TMEM143: variants seen among roughly 807,000 people sequenced by gnomAD.
TMEM143 encodes transmembrane protein 143.
A neutral mutation model predicts 40.3 loss-of-function variants in TMEM143; 45 were observed. The ratio of observed to expected loss-of-function variants is 1.12; its 90% CI spans 0.88 to 1.43. TMEM143 has a LOEUF of 1.43. Ranked by LOEUF, TMEM143 falls within the 40% of genes most tolerant of loss-of-function variation. The pLI is 0.00. For synonymous variants in TMEM143, 299 were observed against 282.7 expected, an observed-to-expected ratio of 1.06 and a Z score of -0.58; for missense variants, 620 against 613.4, an observed-to-expected ratio of 1.01 and a Z score of -0.11.
At chr19:48,336,201 G>A (rs2147355228) in intron 6 of TMEM143, among the ~76,000 whole-genome samples, 1 of 152,206 alleles carries the variant, frequency 6.6e-6, no homozygotes, top group East Asian at 1.9e-4. Context: ...GGGCAACATG[G>A]TGAAACCCCA....
chr19:48,335,633 G>A (rs1215244854), intron 6 of TMEM143, among the ~76,000 whole-genome samples: 1 of 152,184 alleles, frequency 6.6e-6, no homozygotes, highest in Non-Finnish European at 1.5e-5. Flanking sequence ...TGAGGCAGGA[G>A]AATCGCTTGA....
intron 3 of TMEM143, among the ~76,000 whole-genome samples, chr19:48,355,319 C>G (rs931093663): frequency 7.2e-5 from 11 of 152,268 alleles, no homozygotes; most frequent in Non-Finnish European, 1.5e-4. Context: ...ACAAGACATA[C>G]CAAGCCCAGC....
Position 48,333,932 on chromosome 19 carries a change from T to A in TMEM143, c.1165+76A>T. The A allele has an allele frequency of 7.1e-7, 1 of 1,404,104 alleles. No homozygotes were observed. 87.0% of individuals were successfully genotyped at this position (1,404,104 alleles called of 1,614,324 possible). On this transcript the variant is annotated intron_variant, in intron 7 of 7. Transcript: ENST00000293261. The surrounding 1 kb of genome is among the most constrained non-coding windows in gnomAD (Gnocchi z 4.1). ...CAGGTTCACCCGTGGGAACTGGGGG[T>A]GGGGACGCATCTCGCTGGGGCGGGG...
At chr19:48,344,522 C>T (rs1260337715) in intron 4 of TMEM143, among the ~76,000 whole-genome samples, 2 of 152,080 alleles carry the variant, frequency 1.3e-5, no homozygotes, top group African/African-American at 2.4e-5. Flanking sequence ...CTCCTGGGCT[C>T]GAGCGATCCT....
intron 3 of TMEM143, among the ~76,000 whole-genome samples, chr19:48,356,154 G>A (rs1969886854): frequency 1.4e-5 from 2 of 147,882 alleles, no homozygotes; most frequent in Admixed American, 6.9e-5. Context: ...GTCTCACTCT[G>A]CTGCCCAGGC....
chr19:48,350,693 A>G (rs506867), intron 3 of TMEM143, among the ~76,000 whole-genome samples: 112,966 of 151,740 alleles, frequency 0.74, 42,150 homozygotes, highest in East Asian at 0.83. Flanking sequence ...AGGCTGAGGC[A>G]GGCGGATCAT....
chr19:48,339,858 A>G (rs556626792), intron 6 of TMEM143, among the ~76,000 whole-genome samples: 1 of 152,086 alleles, frequency 6.6e-6, no homozygotes, highest in African/African-American at 2.4e-5. Flanking sequence ...CCTCTCAAGT[A>G]GCTGGGATTT....
intron 2 of TMEM143, 145 bp downstream of exon 2, chr19:48,363,146 G>A (rs1383696079): frequency 1.9e-5 from 22 of 1,170,518 alleles, no homozygotes; most frequent in Non-Finnish European, 2.4e-5. Flanking sequence ...CTCATCTCCC[G>A]CCCACTAGGG....
Position 48,363,437 on chromosome 19 carries a change from G to T in TMEM143, c.118C>A (p.Pro40Thr). ...GCCAGCGATGAGAGGGCCCGGGGGG[G>T]CCCGAGGAGCGCGGGCAACAGTGGC... ...VWPLLPALLG[P>T]PRALSSLAAK... The change falls in exon 2 of 8, where the codon CCC becomes ACC. Residue 40 changes from proline (P) to threonine (T), a missense_variant. By Grantham distance (38) the Pro-to-Thr change is conservative. Transcript: ENST00000293261. 1 of 1,614,002 alleles carries T rather than the reference G, an allele frequency of 6.2e-7. No homozygotes were observed. Among genetic ancestry groups the T allele is most frequent in the Non-Finnish European group, 8.5e-7 (1 of 1,180,004 alleles).
chr19:48,333,984 C>A lies in TMEM143; in HGVS notation c.1165+24G>T, dbSNP rs1196345632. ...CTCGCGGGGGTGTGGCCCCTGGGGG[C>A]AGGGTCCCAGGGCCACGTCCTACCT... On this transcript the variant is annotated intron_variant, in intron 7 of 7. Transcript: ENST00000293261. This position sits in a 1 kb window ranked among gnomAD's most constrained non-coding sequence, Gnocchi z 4.1. The A allele has an allele frequency of 4.0e-6, 6 of 1,510,006 alleles. No individual in the cohort carries two copies. The South Asian group carries it at 6.1e-5, about 15-fold the overall frequency. 93.5% of individuals were successfully genotyped at this position (1,510,006 alleles called of 1,614,324 possible). A position where few individuals can be genotyped will look rare whatever the true frequency, so the allele number is the denominator to read the frequency against.
chr19:48,334,466 CTTTCTTTCTTTCTTTT>C (rs1969314896), intron 6 of TMEM143, among the ~76,000 whole-genome samples: 2 of 44,846 alleles, frequency 4.5e-5, no homozygotes, highest in South Asian at 1.3e-3. Context: ...TTCTTTCTTT[CTTTCTTTCTTTCTTTT>C]TCTTTCTTTC....
intron 3 of TMEM143, among the ~76,000 whole-genome samples, chr19:48,352,810 C>G (rs945727483): frequency 8.6e-5 from 13 of 151,796 alleles, no homozygotes; most frequent in African/African-American, 3.1e-4. Context: ...GGAGACAGAG[C>G]CTTACTATGT....
chr19:48,334,651 G>A (rs1185045487), intron 6 of TMEM143, among the ~76,000 whole-genome samples: 1 of 146,414 alleles, frequency 6.8e-6, no homozygotes, highest in Non-Finnish European at 1.5e-5. Context: ...GCTATTCACA[G>A]GCAAACTCAT....
intron 3 of TMEM143, among the ~76,000 whole-genome samples, chr19:48,353,890 G>T (rs1249039393): frequency 6.6e-6 from 1 of 151,504 alleles, no homozygotes; most frequent in African/African-American, 2.4e-5. Flanking sequence ...GGCAGCTACA[G>T]GAAGCCAGGA....
intron 6 of TMEM143, among the ~76,000 whole-genome samples, chr19:48,336,291 G>T (rs1969364989): frequency 6.6e-6 from 1 of 152,030 alleles, no homozygotes; most frequent in South Asian, 2.1e-4. Context: ...GCCGAGACGG[G>T]CAGATCACTT....
At chr19:48,342,934 C>T in intron 5 of TMEM143, 125 bp from the exon 6 acceptor site, 1 of 1,206,776 alleles carries the variant, frequency 8.3e-7, no homozygotes. Flanking sequence ...ACTCAGTAAT[C>T]ATGGGGAAGA....
intron 5 of TMEM143, 120 bp downstream of exon 5, chr19:48,343,201 C>T (rs1214130245): frequency 7.7e-7 from 1 of 1,299,758 alleles, no homozygotes; most frequent in Non-Finnish European, 1.0e-6. Context: ...AGTCACGCCT[C>T]CCATTTCTCA....
At chr19:48,347,159 A>T (rs1052569754) in intron 3 of TMEM143, among the ~76,000 whole-genome samples, 2 of 152,154 alleles carry the variant, frequency 1.3e-5, no homozygotes, top group African/African-American at 4.8e-5. Flanking sequence ...GAGTCTCAGG[A>T]TGACATATAA....
At chr19:48,334,422 CTT>C (rs1969299937) in intron 6 of TMEM143, among the ~76,000 whole-genome samples, 26 of 30,462 alleles carry the variant, frequency 8.5e-4, no homozygotes, top group Middle Eastern at 0.011. Flanking sequence ...TTCTCTCTTT[CTT>C]TCTTTCTTTC....
Sources: allele counts gnomAD v4.1 joint callset (sites outside exome capture counted in the v4.1 genomes callset), GRCh38; gene constraint gnomAD v4.1.1; non-coding constraint Gnocchi (gnomAD v3.1); transcripts MANE v1.5; gene names NCBI Gene and HGNC (gene_info 2026-07-23, HGNC 2026-07-21).